The following UBE3D variants were observed in gnomAD, a reference collection of about 807,000 sequenced individuals.
UBE3D encodes the protein ubiquitin protein ligase E3D.
UBE3D carries 48 observed loss-of-function variants against 49.6 expected under a neutral mutation model. The observed-to-expected ratio is 0.97, with a 90% confidence interval of 0.77 to 1.23. The LOEUF (loss-of-function observed/expected upper bound fraction) is 1.23, where lower values mean the gene tolerates loss of function less well. UBE3D is among the 50% of genes most tolerant of loss of function. The pLI, the probability that UBE3D is intolerant of heterozygous loss-of-function variation, is 0.00. For synonymous variants in UBE3D, 189 were observed against 174.2 expected, an observed-to-expected ratio of 1.08 and a Z score of -0.67; for missense variants, 452 against 468.4, an observed-to-expected ratio of 0.96 and a Z score of 0.32.
rs578118698 is a variant in UBE3D, at chr6:82,989,089, C to T, written c.1010+29884G>A. 5.3e-5 allele frequency among the ~76,000 whole-genome samples: 8 copies of T among 152,004 alleles called. No individual in the cohort carries two copies. The South Asian group carries it at 6.2e-4, about 12-fold the overall frequency. On this transcript the variant is annotated intron_variant, in intron 8 of 9. Coordinates refer to ENST00000369747, the MANE Select transcript of UBE3D (RefSeq NM_198920.3). ...TATAGATAAGGTTTATGAGACTCTT[C>T]GGGCAGAAAAGAAAAATGTCAAGTA...
chr6:82,959,421 C>T (rs1291757206), intron 8 of UBE3D, among the ~76,000 whole-genome samples: 1 of 151,852 alleles, frequency 6.6e-6, no homozygotes, highest in Non-Finnish European at 1.5e-5. Flanking sequence ...CTCTCCACCC[C>T]TGGGTCACAG....
At chr6:83,025,356 A>T (rs574652499) in intron 5 of UBE3D, among the ~76,000 whole-genome samples, 6 of 152,342 alleles carry the variant, frequency 3.9e-5, no homozygotes, top group African/African-American at 1.4e-4. Context: ...AAATGTAAAC[A>T]CAATCATCTT....
At chr6:83,020,915 T>C (rs1366533306) in intron 7 of UBE3D, among the ~76,000 whole-genome samples, 2 of 152,228 alleles carry the variant, frequency 1.3e-5, no homozygotes, top group Non-Finnish European at 2.9e-5. Context: ...ACCTGTTTAC[T>C]GGTTGAATAA....
intron 8 of UBE3D, among the ~76,000 whole-genome samples, chr6:83,010,715 G>A (rs117226558): frequency 2.6e-4 from 39 of 152,294 alleles, no homozygotes; most frequent in Non-Finnish European, 5.3e-4. Flanking sequence ...CAATGTTCAA[G>A]GGCAAGAAGC....
At chr6:83,043,485 G>T (rs1782814394) in intron 4 of UBE3D, among the ~76,000 whole-genome samples, 1 of 152,198 alleles carries the variant, frequency 6.6e-6, no homozygotes, top group African/African-American at 2.4e-5. Flanking sequence ...AGTGTAAAAT[G>T]AGGCACTTAA....
At chr6:82,893,726 G>A (rs1352034967) in intron 9 of UBE3D, among the ~76,000 whole-genome samples, 1 of 152,172 alleles carries the variant, frequency 6.6e-6, no homozygotes, top group Non-Finnish European at 1.5e-5. Flanking sequence ...GAGATAGATC[G>A]TGAAGTATGG....
intron 9 of UBE3D, among the ~76,000 whole-genome samples, chr6:82,948,193 A>C (rs1404729402): frequency 6.6e-6 from 1 of 152,026 alleles, no homozygotes; most frequent in East Asian, 1.9e-4. Context: ...ATGAAAAAGG[A>C]GAAATTACAA....
intron 9 of UBE3D, among the ~76,000 whole-genome samples, chr6:82,936,178 GC>G (rs1329096622): frequency 2.6e-5 from 4 of 152,032 alleles, no homozygotes; most frequent in Non-Finnish European, 5.9e-5. Context: ...ATTCCATCCT[GC>G]CCCTGCCAAA....
At chr6:82,953,961 T>G (rs964939078) in intron 9 of UBE3D, among the ~76,000 whole-genome samples, 2 of 151,978 alleles carry the variant, frequency 1.3e-5, no homozygotes, top group African/African-American at 4.8e-5. Context: ...ATTCTCCCAG[T>G]AGCAGGGAAA....
intron 8 of UBE3D, among the ~76,000 whole-genome samples, chr6:82,975,146 T>C (rs1266862408): frequency 6.6e-6 from 1 of 152,158 alleles, no homozygotes; most frequent in Non-Finnish European, 1.5e-5. Context: ...TATGAGTTCA[T>C]CTCTTTATTA....
At chr6:82,918,559 G>A (rs1042183699) in intron 9 of UBE3D, among the ~76,000 whole-genome samples, 2 of 152,086 alleles carry the variant, frequency 1.3e-5, no homozygotes, top group African/African-American at 4.8e-5. Flanking sequence ...ATGGAAAATA[G>A]AATTTGTTGT....
chr6:83,057,781 T>C (rs1294579395), intron 2 of UBE3D, 45 bp downstream of exon 2: 21 of 1,591,742 alleles, frequency 1.3e-5, no homozygotes, highest in Non-Finnish European at 1.6e-5. Flanking sequence ...CTTTGGTTTA[T>C]AACAAAAAGG....
At chr6:83,029,112 G>A (rs1781686349) in intron 5 of UBE3D, among the ~76,000 whole-genome samples, 1 of 152,104 alleles carries the variant, frequency 6.6e-6, no homozygotes, top group Admixed American at 6.6e-5. Flanking sequence ...TCCTACTACA[G>A]GTTCATTGAA....
At chr6:82,981,651 G>A (rs1778129548) in intron 8 of UBE3D, among the ~76,000 whole-genome samples, 1 of 151,712 alleles carries the variant, frequency 6.6e-6, no homozygotes, top group Non-Finnish European at 1.5e-5. Context: ...ATAGATTTCT[G>A]TAAACTGGCC....
chr6:83,023,958 G>C lies in UBE3D; in HGVS notation c.737+11C>G. Reference sequence around the variant, plus strand: ...AATTACAAATAAATAAATGTAATTTGCTATTTGTACCTTGGTATGATAGGA... The same window carrying C: ...AATTACAAATAAATAAATGTAATTTCCTATTTGTACCTTGGTATGATAGGA... On this transcript the variant is annotated intron_variant, in intron 6 of 9. Coordinates refer to ENST00000369747, the MANE Select transcript of UBE3D (RefSeq NM_198920.3). 1 of 1,450,732 alleles carries C rather than the reference G, an allele frequency of 6.9e-7. No homozygotes were observed. The highest frequency in any genetic ancestry group is 1.5e-5 in the African/African-American group (1 of 68,608). 89.9% of individuals were successfully genotyped at this position (1,450,732 alleles called of 1,614,324 possible). A position where few individuals can be genotyped will look rare whatever the true frequency, so the allele number is the denominator to read the frequency against.
chr6:82,895,199 T>C (rs753005054), intron 9 of UBE3D, among the ~76,000 whole-genome samples: 1 of 152,130 alleles, frequency 6.6e-6, no homozygotes, highest in Non-Finnish European at 1.5e-5. Context: ...TAATCCCTGC[T>C]ACTTGGGAGG....
Position 82,892,699 on chromosome 6 carries a change from T to C in UBE3D, c.*323A>G. On this transcript the variant is annotated 3_prime_UTR_variant, in exon 10 of 10. Transcript: ENST00000369747. ...TCCACACAGGACAGATGGATCTCCA[T>C]TAGGTAATAACCTTCCAGGTGGTGC... 1 of 366,276 alleles carries C rather than the reference T, an allele frequency of 2.7e-6. No homozygotes were observed. The highest frequency in any genetic ancestry group is 2.4e-5 in the South Asian group (1 of 41,546). 22.7% of individuals were successfully genotyped at this position (366,276 alleles called of 1,614,324 possible). A position where few individuals can be genotyped will look rare whatever the true frequency, so the allele number is the denominator to read the frequency against.
chr6:82,922,651 C>T (rs1353339354), intron 9 of UBE3D, among the ~76,000 whole-genome samples: 1 of 151,996 alleles, frequency 6.6e-6, no homozygotes, highest in Non-Finnish European at 1.5e-5. Flanking sequence ...TGGGCAATAC[C>T]ATTCAGGACA....
intron 8 of UBE3D, among the ~76,000 whole-genome samples, chr6:82,968,594 T>C (rs974266611): frequency 1.3e-5 from 2 of 152,176 alleles, no homozygotes; most frequent in Non-Finnish European, 2.9e-5. Flanking sequence ...CAGATTGAGG[T>C]GTATATGCAT....
Sources: allele counts gnomAD v4.1 joint callset (sites outside exome capture counted in the v4.1 genomes callset), GRCh38; gene constraint gnomAD v4.1.1; transcripts MANE v1.5; gene names NCBI Gene and HGNC (gene_info 2026-07-23, HGNC 2026-07-21).